SGCA: variants seen among roughly 807,000 people sequenced by gnomAD.
SGCA encodes the protein sarcoglycan alpha, also known as alpha-sarcoglycan.
SGCA carries 34 observed loss-of-function variants against 38.1 expected under a neutral mutation model. That is an observed-to-expected ratio of 0.89 (90% CI 0.68 to 1.19). The LOEUF (loss-of-function observed/expected upper bound fraction) is 1.19. Ranked by LOEUF, SGCA falls within the 50% of genes most tolerant of loss-of-function variation. SGCA has a pLI of 0.00. For synonymous variants in SGCA, 209 were observed against 214.6 expected, an observed-to-expected ratio of 0.97 and a Z score of 0.23; for missense variants, 476 against 524.9, an observed-to-expected ratio of 0.91 and a Z score of 0.91.
Position 50,167,633 on chromosome 17 carries a change from C to T in SGCA, c.209C>T (p.Pro70Leu). The change falls in exon 3 of 10, where the codon CCA becomes CTA. Residue 70 changes from proline to leucine, a missense_variant. Coordinates refer to ENST00000262018, the MANE Select transcript of SGCA (RefSeq NM_000023.4). The surrounding 1 kb of genome is among the most constrained non-coding windows in gnomAD (Gnocchi z 4.5). ...TACCACGCCCACCTCCAGGGACACC[C>T]AGACCTGCCCCGGTGGCTCCGCTAC... ...ITYHAHLQGH[P>L]DLPRWLRYTQ... The T allele has an allele frequency of 6.2e-7, 1 of 1,613,946 alleles. No individual in the cohort carries two copies. The highest frequency in any genetic ancestry group is 8.5e-7 in the Non-Finnish European group (1 of 1,180,008).
At chr17:50,171,804 C>T (rs1399204322) in intron 8 of SGCA, 2 of 456,782 alleles carry the variant, frequency 4.4e-6, no homozygotes, top group Non-Finnish European at 4.4e-6. Context: ...GTGGTGGAAA[C>T]AGCCTTCTTC....
rs1905177094 is a variant in SGCA at position 50,169,267 on chromosome 17, C to G, written c.747+13C>G. The G allele has an allele frequency of 6.2e-7, 1 of 1,604,596 alleles. No homozygotes were observed. The highest frequency in any genetic ancestry group is 1.3e-5 in the African/African-American group (1 of 74,888). ...CAATGTGACCCTGGTGAGGAGGGAC[C>G]CTGGGTCCGGGGGTGGGGTGGGGCA... On this transcript the variant is annotated intron_variant, in intron 6 of 9. Transcript: ENST00000262018.
intron 6 of SGCA, chr17:50,169,695 C>T: frequency 3.1e-6 from 1 of 327,816 alleles, no homozygotes; most frequent in East Asian, 7.4e-5. Flanking sequence ...ATGCTCACAA[C>T]AGCTCTTTGG....
At chr17:50,169,496 C>T (rs944407700) in intron 6 of SGCA, 18 of 550,018 alleles carry the variant, frequency 3.3e-5, no homozygotes, top group African/African-American at 1.5e-4. Flanking sequence ...GTCCGCAATC[C>T]GCATGTGGGG....
rs201363900 is a variant in SGCA, at chr17:50,169,069, C to T, written c.585-23C>T. 3.1e-6 allele frequency: 5 copies of T among 1,612,886 alleles called. No individual in the cohort carries two copies. The East Asian group carries it at 6.7e-5, about 22-fold the overall frequency. On this transcript the variant is annotated intron_variant, in intron 5 of 9. Transcript: ENST00000262018. Reference sequence around the variant, plus strand: ...GTGCCCCCTGCCCCCACTCTGCTGACAGTGACTTCTATCTGGTCCCAGGGT... The same window carrying T: ...GTGCCCCCTGCCCCCACTCTGCTGATAGTGACTTCTATCTGGTCCCAGGGT...
chr17:50,172,816 G>A lies in SGCA; in HGVS notation c.983+2150G>A, dbSNP rs569474745. Among the ~76,000 whole-genome samples the A allele has an allele frequency of 4.4e-4, 64 of 146,170 alleles. 1 individual carries two copies. The highest frequency in any genetic ancestry group is 2.0e-4 in the Non-Finnish European group (13 of 66,538). On this transcript the variant is annotated intron_variant, in intron 8 of 9. Transcript: ENST00000262018. ...AGAGATGTACGCTAAGTTGACTTAC[G>A]CTAAGTTGACTTAATTCCTCAAGCA...
chr17:50,172,568 A>C, intron 8 of SGCA: 1 of 277,894 alleles, frequency 3.6e-6, no homozygotes, highest in South Asian at 3.5e-5. Flanking sequence ...GCAACCTCAG[A>C]CTCCCTGGGC....
rs1017484392 is a variant in SGCA at position 50,167,032 on chromosome 17, C to T, written c.38-336C>T. Reference sequence around the variant, plus strand: ...TCACACATACCTTCACACACACACCCCCCCACATCCCCTCACACACACACA... The same window carrying T: ...TCACACATACCTTCACACACACACCTCCCCACATCCCCTCACACACACACA... On this transcript the variant is annotated intron_variant, in intron 1 of 9. Coordinates refer to ENST00000262018, the MANE Select transcript of SGCA (RefSeq NM_000023.4). This position sits in a 1 kb window ranked among gnomAD's most constrained non-coding sequence, Gnocchi z 4.5. Among the ~76,000 whole-genome samples, 16 of 148,720 alleles carry T rather than the reference C, an allele frequency of 1.1e-4. No homozygotes were observed. Among genetic ancestry groups the T allele is most frequent in the Non-Finnish European group, 2.2e-4 (15 of 66,896 alleles).
intron 8 of SGCA, among the ~76,000 whole-genome samples, chr17:50,174,837 T>C (rs944913021): frequency 2.2e-4 from 33 of 152,086 alleles, no homozygotes; most frequent in Non-Finnish European, 2.9e-5. Flanking sequence ...TTTTTTTACT[T>C]TGAGATGGAG....
chr17:50,172,620 T>A (rs1905548923), intron 8 of SGCA, among the ~76,000 whole-genome samples: 1 of 152,220 alleles, frequency 6.6e-6, no homozygotes, highest in Non-Finnish European at 1.5e-5. Flanking sequence ...TAGCTGGGAC[T>A]AAAGCTACTG....
At chr17:50,168,331 C>A in intron 4 of SGCA, 43 bp from the exon 5 acceptor site, 2 of 1,521,374 alleles carry the variant, frequency 1.3e-6, no homozygotes, top group Non-Finnish European at 1.8e-6. Context: ...CGGGGCAGAG[C>A]TGGGGCTGGG....
chr17:50,170,290 C>G lies in SGCA; in HGVS notation c.895C>G (p.Leu299Val). 1 of 1,614,230 alleles carries G rather than the reference C, an allele frequency of 6.2e-7. No individual in the cohort carries two copies. Residue 299 changes from leucine to valine, a missense_variant, in exon 7 of 10, where the codon CTG (leucine) becomes GTG (valine). Coordinates refer to ENST00000262018, the MANE Select transcript of SGCA (RefSeq NM_000023.4). ...DALVTLLVPL[L>V]VALLLTLLLA... ...TCTGGTCACCCTCCTGGTGCCCCTG[C>G]TGGTGGCCCTGCTTCTCACCTTGCT...
At chr17:50,174,517 T>C (rs1173810663) in intron 8 of SGCA, among the ~76,000 whole-genome samples, 4 of 151,722 alleles carry the variant, frequency 2.6e-5, no homozygotes, top group Non-Finnish European at 5.9e-5. Flanking sequence ...GGTTTTGGTT[T>C]TTTTTTTTAA....
chr17:50,167,661 C>T lies in SGCA; in HGVS notation c.237C>T (p.Thr79=). The T allele has an allele frequency of 6.2e-7, 1 of 1,613,868 alleles. No homozygotes were observed. The highest frequency in any genetic ancestry group is 8.5e-7 in the Non-Finnish European group (1 of 1,179,928). Residue 79 remains threonine (T), a synonymous_variant, in exon 3 of 10, where the codon ACC becomes ACT. Coordinates refer to ENST00000262018, the MANE Select transcript of SGCA (RefSeq NM_000023.4). The surrounding 1 kb of genome is among the most constrained non-coding windows in gnomAD (Gnocchi z 4.5). ...HPDLPRWLRY[T]QRSPHHPGFL... is the part of the protein sequence containing the mutation. Reference sequence around the variant, plus strand: ...ACCTGCCCCGGTGGCTCCGCTACACCCAGCGCAGCCCCCACCACCCTGGCT... The same window carrying T: ...ACCTGCCCCGGTGGCTCCGCTACACTCAGCGCAGCCCCCACCACCCTGGCT...
Position 50,175,427 on chromosome 17 carries a change from A to G in SGCA, c.1154A>G (p.Asp385Gly). Reference protein sequence around the residue: ...VDSAQVPLILDQH With the variant: ...VDSAQVPLILGQH ...AGCGCCCAGGTGCCCCTCATTCTGG[A>G]CCAGCACTGACAGCCTAGCCAGGTA... The change falls in exon 9 of 10, where the codon GAC (aspartate) becomes GGC (glycine). Residue 385 changes from aspartate to glycine, a missense_variant. Coordinates refer to ENST00000262018, the MANE Select transcript of SGCA (RefSeq NM_000023.4). The G allele has an allele frequency of 6.2e-7, 1 of 1,613,130 alleles. No individual in the cohort carries two copies. Among genetic ancestry groups the G allele is most frequent in the Non-Finnish European group, 8.5e-7 (1 of 1,179,980 alleles).
Position 50,170,328 on chromosome 17 carries a change from C to A in SGCA, c.933C>A (p.Val311=). 1 of 1,613,784 alleles carries A rather than the reference C, an allele frequency of 6.2e-7. No homozygotes were observed. Among genetic ancestry groups the A allele is most frequent in the Non-Finnish European group, 8.5e-7 (1 of 1,179,732 alleles). The change falls in exon 7 of 10, where the codon GTC becomes GTA. Residue 311 remains valine, a synonymous_variant. Coordinates refer to ENST00000262018, the MANE Select transcript of SGCA (RefSeq NM_000023.4). The stretch of plus-strand genomic sequence containing the variant: ...TTCTCACCTTGCTGCTGGCCTATGT[C>A]ATGTGCTGCCGGCGGGAGGGAAGGT... ...ALLLTLLLAY[V]MCCRREGRLK...
At chr17:50,171,332 G>T in intron 8 of SGCA, 2 of 351,586 alleles carry the variant, frequency 5.7e-6, no homozygotes, top group Non-Finnish European at 1.1e-5. Context: ...TCTTATTTTG[G>T]CCTGGTTTCC....
In SGCA at chr17:50,167,570, C is replaced by T. The variant is rs377120535; in HGVS notation, c.158-12C>T. On this transcript the variant is annotated splice_polypyrimidine_tract_variant and intron_variant, in intron 2 of 9. Coordinates refer to ENST00000262018, the MANE Select transcript of SGCA (RefSeq NM_000023.4). The surrounding 1 kb of genome is among the most constrained non-coding windows in gnomAD (Gnocchi z 4.5). ...TGCTGTGACTCGAATCCCCTCTCCT[C>T]GCTTCCACCAGCTGTCCCACCCGCT... 7.9e-5 allele frequency: 128 copies of T among 1,613,448 alleles called. No individual in the cohort carries two copies. Among genetic ancestry groups the T allele is most frequent in the Admixed American group, 1.2e-4 (7 of 60,010 alleles).
intron 5 of SGCA, 38 bp downstream of exon 5, chr17:50,168,610 G>A (rs1463353455): frequency 3.3e-6 from 5 of 1,531,000 alleles, no homozygotes; most frequent in South Asian, 1.2e-5. Flanking sequence ...TGAAAGAGGA[G>A]GATGCAGCTT....
Sources: gnomAD v4.1 joint callset for allele counts (sites outside exome capture counted in the v4.1 genomes callset) on GRCh38, gnomAD v4.1.1 for gene constraint, Gnocchi (gnomAD v3.1) non-coding constraint, MANE v1.5 for transcripts, NCBI Gene and HGNC (gene_info 2026-07-23, HGNC 2026-07-21) for gene names.